Variants in MSL3 observed in about 807,000 individuals in gnomAD.
MSL3 encodes the protein MSL complex subunit 3, also known as MSL3-like 1.
A neutral mutation model predicts 37.2 loss-of-function variants in MSL3; 5 were observed. The observed-to-expected ratio is 0.13, with a 90% CI of 0.07 to 0.28. MSL3 has a LOEUF of 0.28. Among genes scored for constraint, MSL3 ranks in the 10% least tolerant of loss-of-function variants. The probability of loss-of-function intolerance (pLI) is 1.00; values close to 1 mark genes in which losing one functional copy is unlikely to be tolerated. For synonymous variants in MSL3, 149 were observed against 147.6 expected (o/e 1.01, Z -0.07); for missense variants, 315 against 408.5 (o/e 0.77, Z 1.97).
intron 9 of MSL3, chrX:11,768,068 C>G: frequency 2.5e-6 from 1 of 407,259 alleles, no homozygotes; most frequent in South Asian, 1.3e-4. Flanking sequence ...TTCAGTGGCA[C>G]TTAACAGCTT....
chrX:11,772,321 C>T, intron 11 of MSL3, 66 bp downstream of exon 11: 1 of 925,038 alleles, frequency 1.1e-6, no homozygotes, highest in South Asian at 2.3e-5. Flanking sequence ...GCTTTCTGTA[C>T]ACCTTGTGGT....
chrX:11,760,788 A>T, intron 3 of MSL3, 49 bp from the exon 4 acceptor site: 1 of 983,767 alleles, frequency 1.0e-6, no homozygotes, highest in Non-Finnish European at 1.4e-6. Context: ...CTCAAGACTC[A>T]CGAGTTCAAT....
In MSL3 at chrX:11,758,368, G is replaced by A; in HGVS notation, c.102+3G>A. The A allele has an allele frequency of 9.0e-7, 1 of 1,106,705 alleles. No individual in the cohort carries two copies. Among genetic ancestry groups the A allele is most frequent in the Non-Finnish European group, 1.2e-6 (1 of 839,694 alleles). The allele number at this position is 1,106,705 out of a possible 1,213,427, so 91.2% of individuals were successfully genotyped here. A position where few individuals can be genotyped will look rare whatever the true frequency, so the allele number is the denominator to read the frequency against. ...CGCGAGTGCTGTACGATGCCAAGGTGCCGCCGCGGAGGGACAGGGAGGAGG... is the reference window on the plus strand; with the variant it reads ...CGCGAGTGCTGTACGATGCCAAGGTACCGCCGCGGAGGGACAGGGAGGAGG... On this transcript the variant is annotated splice_donor_region_variant and intron_variant, in intron 1 of 12. Coordinates refer to ENST00000312196, the MANE Select transcript of MSL3 (RefSeq NM_078629.4).
intron 12 of MSL3, among the ~76,000 whole-genome samples, chrX:11,774,502 G>T (rs1011642843): frequency 4.5e-5 from 5 of 110,860 alleles, no homozygotes; most frequent in Non-Finnish European, 9.4e-5. Context: ...TGTGTTTTTA[G>T]TAGAGACGGG....
At position 11,775,222 on chromosome X, in the gene MSL3, A is replaced by G. The variant is rs1353041597; in HGVS notation, c.*143A>G. The G allele has an allele frequency of 1.6e-5, 7 of 444,522 alleles. No individual in the cohort carries two copies. Among genetic ancestry groups the G allele is most frequent in the South Asian group, 3.7e-5 (1 of 26,788 alleles). The allele number at this position is 444,522 out of a possible 1,213,427, so 36.6% of individuals were successfully genotyped here. A position where few individuals can be genotyped will look rare whatever the true frequency, so the allele number is the denominator to read the frequency against. ...GGGCTCTGTTGTTTGAGTTGCCCACATACTGCAGTTATTCTGTTAGGAATG... is the reference window on the plus strand; with the variant it reads ...GGGCTCTGTTGTTTGAGTTGCCCACGTACTGCAGTTATTCTGTTAGGAATG... On this transcript the variant is annotated 3_prime_UTR_variant, in exon 13 of 13. Transcript: ENST00000312196.
chrX:11,773,737 T>G (rs1325838060), intron 12 of MSL3, among the ~76,000 whole-genome samples: 1 of 112,397 alleles, frequency 8.9e-6, no homozygotes, highest in Non-Finnish European at 1.9e-5. Context: ...GATGCATGCC[T>G]AATACAAAAT....
chrX:11,759,582 A>G lies in MSL3; in HGVS notation c.103-211A>G. 6 of 1,046,332 alleles carry G rather than the reference A, an allele frequency of 5.7e-6. No individual in the cohort carries two copies. In the South Asian group the frequency reaches 1.5e-4, roughly 26 times the overall value. 86.2% of individuals were successfully genotyped at this position (1,046,332 alleles called of 1,213,427 possible). A position where few individuals can be genotyped will look rare whatever the true frequency, so the allele number is the denominator to read the frequency against. ...GCCTCACACTGTCTCACGCTCAGAG[A>G]CCAATCACGGGGTGGTTGGACGGAT... On this transcript the variant is annotated intron_variant, in intron 1 of 12. Transcript: ENST00000312196.
At chrX:11,773,114 A>G (rs187249100) in intron 12 of MSL3, among the ~76,000 whole-genome samples, 46 of 112,369 alleles carry the variant, frequency 4.1e-4, no homozygotes, top group African/African-American at 1.5e-3. Flanking sequence ...CTTAAATAGT[A>G]GCATTTATAG....
At chrX:11,764,470 C>T (rs1199400229) in intron 8 of MSL3, among the ~76,000 whole-genome samples, 6 of 110,806 alleles carry the variant, frequency 5.4e-5, no homozygotes, top group Non-Finnish European at 1.1e-4. Flanking sequence ...CCTCAGTTAC[C>T]GAGCATGCTC....
At chrX:11,766,847 A>G in intron 9 of MSL3, 1 of 754,534 alleles carries the variant, frequency 1.3e-6, no homozygotes, top group Non-Finnish European at 1.6e-6. Context: ...GACACCCCTC[A>G]TAAATATCAA....
In MSL3 at chrX:11,762,260, G is replaced by T; in HGVS notation, c.588+8G>T. 2 of 1,143,861 alleles carry T rather than the reference G, an allele frequency of 1.7e-6. No homozygotes were observed. Among genetic ancestry groups the T allele is most frequent in the Admixed American group, 3.2e-5 (1 of 31,467 alleles). 94.3% of individuals were successfully genotyped at this position (1,143,861 alleles called of 1,213,427 possible). A position where few individuals can be genotyped will look rare whatever the true frequency, so the allele number is the denominator to read the frequency against. The stretch of plus-strand genomic sequence containing the variant: ...ATTAACAGGAGGAAACGGGTATGTA[G>T]GGAGAATGTATAAAACATTAATTTG... On this transcript the variant is annotated splice_region_variant and intron_variant, in intron 6 of 12. Coordinates refer to ENST00000312196, the MANE Select transcript of MSL3 (RefSeq NM_078629.4).
At chrX:11,764,954 CG>C (rs1307617617) in intron 8 of MSL3, among the ~76,000 whole-genome samples, 3 of 112,701 alleles carry the variant, frequency 2.7e-5, no homozygotes, top group Non-Finnish European at 5.6e-5. Flanking sequence ...GAGACTCCTC[CG>C]GGGTGGGTTG....
intron 1 of MSL3, chrX:11,758,589 C>G: frequency 1.8e-6 from 2 of 1,119,318 alleles, no homozygotes; most frequent in Non-Finnish European, 1.2e-6. Context: ...GGCGCACGCG[C>G]GGTTGGGAGC....
rs367610679 is a variant in MSL3 at position 11,765,683 on chromosome X, G to A, written c.1125G>A (p.Gln375=). 18 of 1,210,791 alleles carry A rather than the reference G, an allele frequency of 1.5e-5. No homozygotes were observed. Among genetic ancestry groups the A allele is most frequent in the Non-Finnish European group, 2.0e-5 (18 of 895,351 alleles). The change falls in exon 9 of 13, where the codon CAG becomes CAA. Residue 375 remains glutamine, a synonymous_variant. Coordinates refer to ENST00000312196, the MANE Select transcript of MSL3 (RefSeq NM_078629.4). ...SASPQPKRRQ[Q]DTSASMPKLF... is the part of the protein sequence containing the mutation. ...CACCTCAGCCCAAGCGCCGGCAGCA[G>A]GACACATCCGCCAGCATGCCCAAGC...
chrX:11,775,197 G>T lies in MSL3; in HGVS notation c.*118G>T. The stretch of plus-strand genomic sequence containing the variant: ...CAGCGCAAACACAATGCCCACCTTG[G>T]GGCTCTGTTGTTTGAGTTGCCCACA... On this transcript the variant is annotated 3_prime_UTR_variant, in exon 13 of 13. Transcript: ENST00000312196. 1 of 492,757 alleles carries T rather than the reference G, an allele frequency of 2.0e-6. No individual in the cohort carries two copies. The highest frequency in any genetic ancestry group is 3.5e-6 in the Non-Finnish European group (1 of 286,589). The allele number at this position is 492,757 out of a possible 1,213,427, so 40.6% of individuals were successfully genotyped here.
At chrX:11,771,165 G>T (rs1431549247) in intron 10 of MSL3, among the ~76,000 whole-genome samples, 1 of 112,445 alleles carries the variant, frequency 8.9e-6, no homozygotes, top group Non-Finnish European at 1.9e-5. Flanking sequence ...GTTTGTGGGG[G>T]CATCTTTCTT....
chrX:11,760,789 C>A, intron 3 of MSL3, 48 bp from the exon 4 acceptor site: 1 of 984,583 alleles, frequency 1.0e-6, no homozygotes, highest in Non-Finnish European at 1.4e-6. Context: ...TCAAGACTCA[C>A]GAGTTCAATG....
chrX:11,758,508 C>T, intron 1 of MSL3, 143 bp downstream of exon 1: 1 of 1,026,227 alleles, frequency 9.7e-7, no homozygotes, highest in Non-Finnish European at 1.3e-6. Context: ...GCAGGGGGCG[C>T]TCACAGGGCG....
rs1312046174 is a variant in MSL3, at chrX:11,760,724, A to G, written c.282-113A>G. ...AAATGGAAATTACCATTTATGTTCT[A>G]AAGTTTAATAATTTTTCAAATGTAT... On this transcript the variant is annotated intron_variant, in intron 3 of 12. Transcript: ENST00000312196. 4 of 661,166 alleles carry G rather than the reference A, an allele frequency of 6.0e-6. No individual in the cohort carries two copies. The African/African-American group carries it at 9.0e-5, about 15-fold the overall frequency. 54.5% of individuals were successfully genotyped at this position (661,166 alleles called of 1,213,427 possible).
Sources: allele counts gnomAD v4.1 joint callset (sites outside exome capture counted in the v4.1 genomes callset), GRCh38; gene constraint gnomAD v4.1.1; transcripts MANE v1.5; gene names NCBI Gene and HGNC (gene_info 2026-07-23, HGNC 2026-07-21).